Variants in ARHGAP32 observed in about 807,000 individuals in gnomAD.
ARHGAP32 encodes the protein Rho GTPase activating protein 32.
Under a neutral mutation model 186.5 loss-of-function variants are expected in ARHGAP32, and 51 were observed. That is an observed-to-expected ratio of 0.27 (90% CI 0.22 to 0.35). The LOEUF (loss-of-function observed/expected upper bound fraction) is 0.35. Ranked by LOEUF, ARHGAP32 falls within the 10% of genes least tolerant of loss-of-function variation. The pLI, the probability that ARHGAP32 is intolerant of heterozygous loss-of-function variation, is 1.00. For synonymous variants in ARHGAP32, 950 were observed against 964.3 expected, an observed-to-expected ratio of 0.99 and a Z score of 0.27; for missense variants, 2,186 against 2,623.5, an observed-to-expected ratio of 0.83 and a Z score of 3.64.
At chr11:129,211,464 C>T (rs1944581366) in intron 1 of ARHGAP32, among the ~76,000 whole-genome samples, 1 of 152,174 alleles carries the variant, frequency 6.6e-6, no homozygotes, top group African/African-American at 2.4e-5. Flanking sequence ...AAAATTGCTT[C>T]CATCAAAAAC....
chr11:129,261,571 G>C (rs4132719), intron 1 of ARHGAP32, among the ~76,000 whole-genome samples: 3,455 of 152,204 alleles, frequency 0.023, 119 homozygotes, highest in Admixed American at 0.084. Context: ...CCCCCATTTC[G>C]ACTAGACAGA....
At chr11:129,053,120 T>C (rs1360147278) in intron 10 of ARHGAP32, among the ~76,000 whole-genome samples, 1 of 152,088 alleles carries the variant, frequency 6.6e-6, no homozygotes, top group African/African-American at 2.4e-5. Flanking sequence ...TGTTCTTTAA[T>C]GCTGATTTAA....
intron 11 of ARHGAP32, among the ~76,000 whole-genome samples, chr11:129,024,721 T>C (rs1938756804): frequency 6.6e-6 from 1 of 152,216 alleles, no homozygotes; most frequent in South Asian, 2.1e-4. Context: ...CTTCATACAC[T>C]ACACAGATGT....
intron 1 of ARHGAP32, among the ~76,000 whole-genome samples, chr11:129,200,867 G>GA (rs561666704): frequency 2.7e-5 from 4 of 150,810 alleles, no homozygotes; most frequent in Non-Finnish European, 4.4e-5. Context: ...TAGAAAAATT[G>GA]AAAAAAAATC....
At chr11:129,272,048 T>C (rs562028554) in intron 1 of ARHGAP32, among the ~76,000 whole-genome samples, 1 of 152,188 alleles carries the variant, frequency 6.6e-6, no homozygotes, top group South Asian at 2.1e-4. Flanking sequence ...GCTCAAATGA[T>C]CAGGCTAAAG....
At chr11:129,278,961 C>T (rs1381107435) in intron 1 of ARHGAP32, among the ~76,000 whole-genome samples, 5 of 141,682 alleles carry the variant, frequency 3.5e-5, no homozygotes, top group Non-Finnish European at 6.2e-5. Flanking sequence ...CCGTCCGCCC[C>T]GGGAGGCCGG....
intron 2 of ARHGAP32, among the ~76,000 whole-genome samples, chr11:129,129,469 T>C (rs1942758677): frequency 1.4e-5 from 2 of 142,410 alleles, no homozygotes; most frequent in Non-Finnish European, 3.1e-5. Flanking sequence ...GGGGCGCCTC[T>C]GCCCGGCCGC....
chr11:129,012,681 C>T (rs774841179), intron 11 of ARHGAP32, among the ~76,000 whole-genome samples: 4 of 152,046 alleles, frequency 2.6e-5, no homozygotes, highest in Non-Finnish European at 5.9e-5. Context: ...AAATAAAAAT[C>T]CTGAGTCAGT....
chr11:129,265,862 T>C (rs1448495456), intron 1 of ARHGAP32, among the ~76,000 whole-genome samples: 2 of 152,312 alleles, frequency 1.3e-5, no homozygotes, highest in East Asian at 3.9e-4. Flanking sequence ...ACACAAACAT[T>C]ACTGTAGTAA....
rs559612990 is a variant in ARHGAP32, at chr11:128,996,063, C to A, written c.1195+2256G>T. Among the ~76,000 whole-genome samples the A allele has an allele frequency of 3.3e-5, 5 of 152,230 alleles. No individual in the cohort carries two copies. The Middle Eastern group carries it at 0.01, about 311-fold the overall frequency. ...ACCTTCTGAAACCAACGATTCTGAA[C>A]CTATTGGTAAAAATCACTACTATAT... On this transcript the variant is annotated intron_variant, in intron 12 of 22. Coordinates refer to ENST00000682385, the MANE Select transcript of ARHGAP32 (RefSeq NM_001378024.1).
chr11:129,055,979 T>C (rs1424501907), intron 10 of ARHGAP32, among the ~76,000 whole-genome samples: 2 of 152,174 alleles, frequency 1.3e-5, no homozygotes, highest in Non-Finnish European at 2.9e-5. Context: ...GCCCCAAAAT[T>C]GTTTCAACAG....
chr11:129,228,809 T>C (rs1944819173), intron 1 of ARHGAP32, among the ~76,000 whole-genome samples: 1 of 152,132 alleles, frequency 6.6e-6, no homozygotes. Flanking sequence ...ATGGCATACG[T>C]TTACCTACAT....
chr11:129,066,824 T>C lies in ARHGAP32; in HGVS notation c.576A>G (p.Val192=), dbSNP rs1168796505. The change falls in exon 7 of 23, where the codon GTA becomes GTG. Residue 192 remains valine, a synonymous_variant. Coordinates refer to ENST00000682385, the MANE Select transcript of ARHGAP32 (RefSeq NM_001378024.1). ...IVKRSYEDFR[V]LDKHLHLCIY... ...TACACAGATGAAGATGTTTATCAAGTACCCGAAAATCTTCATAACTTCTTT... is the reference window on the plus strand; with the variant it reads ...TACACAGATGAAGATGTTTATCAAGCACCCGAAAATCTTCATAACTTCTTT... 2 of 1,611,432 alleles carry C rather than the reference T, an allele frequency of 1.2e-6. No individual in the cohort carries two copies. The highest frequency in any genetic ancestry group is 1.7e-5 in the Admixed American group (1 of 59,684).
In ARHGAP32 at chr11:128,968,893, A is replaced by G. The variant is rs1945277190; in HGVS notation, c.*14T>C. 3 of 1,467,430 alleles carry G rather than the reference A, an allele frequency of 2.0e-6. No individual in the cohort carries two copies. The highest frequency in any genetic ancestry group is 2.4e-5 in the Admixed American group (1 of 41,890). 90.9% of individuals were successfully genotyped at this position (1,467,430 alleles called of 1,614,324 possible). ...GTCCAGCAGAGGCTGCTTCAACTCTATTGCTCGCAGGGCTCATTCTGCATG... is the reference window on the plus strand; with the variant it reads ...GTCCAGCAGAGGCTGCTTCAACTCTGTTGCTCGCAGGGCTCATTCTGCATG... On this transcript the variant is annotated 3_prime_UTR_variant, in exon 23 of 23. Transcript: ENST00000682385.
At chr11:129,166,857 G>A (rs937524342) in intron 1 of ARHGAP32, among the ~76,000 whole-genome samples, 7 of 151,980 alleles carry the variant, frequency 4.6e-5, no homozygotes, top group South Asian at 2.1e-4. Context: ...TAAAAATAAC[G>A]TCTTATGAAG....
chr11:128,989,515 T>TACACACAC lies in ARHGAP32; in HGVS notation c.1196-1391_1196-1390insGTGTGTGT, dbSNP rs1555065707. Among the ~76,000 whole-genome samples, 604 of 87,224 alleles carry TACACACAC rather than the reference T, an allele frequency of 6.9e-3. 4 individuals carry two copies. Among genetic ancestry groups the TACACACAC allele is most frequent in the Non-Finnish European group, 8.8e-3 (394 of 44,950 alleles). The allele number at this position is 87,224 out of a possible 152,430, so 57.2% of individuals were successfully genotyped here. On this transcript the variant is annotated intron_variant, in intron 12 of 22. Transcript: ENST00000682385. ...CCAATGCTTTTGTTTTGTTTTTTAT[T>TACACACAC]TCACACACACACACACACACACACA... is the stretch of plus-strand genomic sequence containing the variant.
At chr11:129,236,604 A>G (rs1316798130) in intron 1 of ARHGAP32, among the ~76,000 whole-genome samples, 3 of 152,180 alleles carry the variant, frequency 2.0e-5, no homozygotes, top group Non-Finnish European at 2.9e-5. Context: ...ATGTCTTTGC[A>G]TCCTGAAACT....
intron 5 of ARHGAP32, among the ~76,000 whole-genome samples, chr11:129,095,962 CTCAA>C (rs1941716837): frequency 1.3e-5 from 2 of 152,156 alleles, no homozygotes; most frequent in African/African-American, 4.8e-5. Context: ...TAGTGATAAA[CTCAA>C]TCAAAGTAAA....
At chr11:129,147,681 T>C (rs997895635) in intron 2 of ARHGAP32, among the ~76,000 whole-genome samples, 2 of 152,226 alleles carry the variant, frequency 1.3e-5, no homozygotes, top group Non-Finnish European at 2.9e-5. Flanking sequence ...TACATCCATA[T>C]GCATGCATTT....
Sources: gnomAD v4.1 joint callset for allele counts (sites outside exome capture counted in the v4.1 genomes callset) on GRCh38, gnomAD v4.1.1 for gene constraint, MANE v1.5 for transcripts, NCBI Gene and HGNC (gene_info 2026-07-23, HGNC 2026-07-21) for gene names.